LRMDA: variants seen among roughly 807,000 people sequenced by gnomAD.
LRMDA encodes the protein leucine-rich melanocyte differentiation-associated protein.
LRMDA carries 18 observed loss-of-function variants against 29.8 expected under a neutral mutation model. The observed-to-expected ratio is 0.60, with a 90% CI of 0.42 to 0.90. The LOEUF is 0.90. LRMDA is among the 40% of genes least tolerant of loss of function. LRMDA has a pLI of 0.00. For missense variants in LRMDA, 273 were observed against 273.9 expected, an observed-to-expected ratio of 1.00 and a Z score of 0.02; for synonymous variants, 125 against 109.4, an observed-to-expected ratio of 1.14 and a Z score of -0.89.
At chr10:76,131,974 A>T (rs1850001694) in intron 5 of LRMDA, among the ~76,000 whole-genome samples, 1 of 152,232 alleles carries the variant, frequency 6.6e-6, no homozygotes, top group Admixed American at 6.5e-5. Context: ...TTCCTTAAGC[A>T]TTTAAAAATG....
intron 2 of LRMDA, among the ~76,000 whole-genome samples, chr10:75,515,326 A>G (rs1845277567): frequency 6.6e-6 from 1 of 152,190 alleles, no homozygotes; most frequent in Non-Finnish European, 1.5e-5. Flanking sequence ...AACATTGTGA[A>G]TGTGCAAATG....
intron 2 of LRMDA, among the ~76,000 whole-genome samples, chr10:75,456,135 C>T (rs1000817149): frequency 2.6e-5 from 4 of 152,212 alleles, no homozygotes; most frequent in Non-Finnish European, 5.9e-5. Context: ...AATTTTCACC[C>T]TGGAGTGACA....
chr10:75,438,262 G>A, intron 1 of LRMDA, 132 bp from the exon 2 acceptor site: 1 of 729,232 alleles, frequency 1.4e-6, no homozygotes, highest in Admixed American at 2.2e-5. Context: ...ACAGTCACAA[G>A]TGTGGCCTTT....
At chr10:75,929,669 A>G (rs1846177284) in intron 2 of LRMDA, among the ~76,000 whole-genome samples, 1 of 152,160 alleles carries the variant, frequency 6.6e-6, no homozygotes, top group Non-Finnish European at 1.5e-5. Context: ...CATATATGAC[A>G]GGGACCACTG....
chr10:75,605,585 T>A (rs1199311883), intron 2 of LRMDA, among the ~76,000 whole-genome samples: 1 of 152,264 alleles, frequency 6.6e-6, no homozygotes, highest in Non-Finnish European at 1.5e-5. Flanking sequence ...ACCCTTGTCC[T>A]AACGCATCCT....
intron 6 of LRMDA, among the ~76,000 whole-genome samples, chr10:76,540,342 A>G (rs1049098233): frequency 1.3e-5 from 2 of 152,250 alleles, no homozygotes; most frequent in Non-Finnish European, 2.9e-5. Context: ...AAAAATTCCC[A>G]AGACATTGTC....
intron 2 of LRMDA, among the ~76,000 whole-genome samples, chr10:75,600,398 C>T (rs1044848703): frequency 2.0e-5 from 3 of 152,196 alleles, no homozygotes; most frequent in Non-Finnish European, 4.4e-5. Context: ...AACCTGGCAG[C>T]CCTGCACTTC....
chr10:76,279,203 G>C (rs2132331616), intron 5 of LRMDA, among the ~76,000 whole-genome samples: 1 of 152,282 alleles, frequency 6.6e-6, no homozygotes, highest in South Asian at 2.1e-4. Flanking sequence ...CTTAGAGTTT[G>C]ACCAATTATA....
At chr10:75,898,408 C>G (rs557158439) in intron 2 of LRMDA, among the ~76,000 whole-genome samples, 1 of 152,262 alleles carries the variant, frequency 6.6e-6, no homozygotes, top group South Asian at 2.1e-4. Context: ...TCCGTCCCAG[C>G]ATTTGACACT....
chr10:76,023,317 C>A (rs907804795), intron 2 of LRMDA, among the ~76,000 whole-genome samples: 20 of 152,180 alleles, frequency 1.3e-4, no homozygotes, highest in African/African-American at 4.1e-4. Flanking sequence ...GTTTGGGTTG[C>A]TCTGAAAGAT....
At chr10:75,935,403 C>T (rs1369905615) in intron 2 of LRMDA, among the ~76,000 whole-genome samples, 1 of 152,050 alleles carries the variant, frequency 6.6e-6, no homozygotes, top group East Asian at 1.9e-4. Flanking sequence ...GCAGACAGGC[C>T]CCTTTTAATG....
In LRMDA at chr10:75,541,867, G is replaced by C. The variant is rs141485397; in HGVS notation, c.131+103373G>C. 1.6e-4 allele frequency among the ~76,000 whole-genome samples: 24 copies of C among 152,188 alleles called. No individual in the cohort carries two copies. The East Asian group carries it at 4.6e-3, about 29-fold the overall frequency. On this transcript the variant is annotated intron_variant, in intron 2 of 6. Coordinates refer to ENST00000611255, the MANE Select transcript of LRMDA (RefSeq NM_001305581.2). ...AACTCCTGTTTCTGATACTCTGAGG[G>C]GGACATGTCTCTCCCCACCTCTCTC...
At position 76,200,484 on chromosome 10, in the gene LRMDA, C is replaced by G. The variant is rs141063743; in HGVS notation, c.517-123917C>G. Among the ~76,000 whole-genome samples, 906 of 152,122 alleles carry G rather than the reference C, an allele frequency of 6.0e-3. 20 individuals carry two copies. The highest frequency in any genetic ancestry group is 0.021 in the African/African-American group (865 of 41,472). ...TAAAATTCTGATGCCATTCATCGAT[C>G]TAGTTGGATGAGTTTTTATTACTTG... is the stretch of plus-strand genomic sequence containing the variant. On this transcript the variant is annotated intron_variant, in intron 5 of 6. Transcript: ENST00000611255.
At chr10:76,211,471 T>A (rs1326583432) in intron 5 of LRMDA, among the ~76,000 whole-genome samples, 1 of 152,240 alleles carries the variant, frequency 6.6e-6, no homozygotes, top group African/African-American at 2.4e-5. Context: ...ACACATCCAA[T>A]AGCATTTGAC....
intron 5 of LRMDA, among the ~76,000 whole-genome samples, chr10:76,110,031 T>C (rs1849551741): frequency 6.6e-6 from 1 of 152,166 alleles, no homozygotes; most frequent in African/African-American, 2.4e-5. Flanking sequence ...AGCCACAGTT[T>C]GAAAGTACTC....
chr10:75,636,682 G>T (rs540106144), intron 2 of LRMDA, among the ~76,000 whole-genome samples: 2 of 152,196 alleles, frequency 1.3e-5, no homozygotes, highest in East Asian at 3.9e-4. Flanking sequence ...TAAAAATCCA[G>T]TAAAGGCCAT....
At chr10:76,491,800 C>G (rs1398599929) in intron 6 of LRMDA, among the ~76,000 whole-genome samples, 1 of 151,948 alleles carries the variant, frequency 6.6e-6, no homozygotes, top group African/African-American at 2.4e-5. Flanking sequence ...TCTTTAAGGC[C>G]AATTACTCTT....
In LRMDA at chr10:76,301,828, C is replaced by T. The variant is rs534581534; in HGVS notation, c.517-22573C>T. Among the ~76,000 whole-genome samples, 20 of 152,236 alleles carry T rather than the reference C, an allele frequency of 1.3e-4. 1 individual carries two copies. The highest frequency in any genetic ancestry group is 2.4e-4 in the African/African-American group (10 of 41,538). ...TGTCACTGTTTAATAAATACGATCGCGCTAGAGATAATGGGAAGTGTTATT... is the reference window on the plus strand; with the variant it reads ...TGTCACTGTTTAATAAATACGATCGTGCTAGAGATAATGGGAAGTGTTATT... On this transcript the variant is annotated intron_variant, in intron 5 of 6. Coordinates refer to ENST00000611255, the MANE Select transcript of LRMDA (RefSeq NM_001305581.2).
intron 5 of LRMDA, among the ~76,000 whole-genome samples, chr10:76,220,581 A>T (rs1354898177): frequency 6.6e-6 from 1 of 152,228 alleles, no homozygotes; most frequent in East Asian, 1.9e-4. Flanking sequence ...AAAGAAGTTG[A>T]ATCTCTGAAT....
Sources: gnomAD v4.1 joint callset for allele counts (sites outside exome capture counted in the v4.1 genomes callset) on GRCh38, gnomAD v4.1.1 for gene constraint, MANE v1.5 for transcripts, NCBI Gene and HGNC (gene_info 2026-07-23, HGNC 2026-07-21) for gene names.